PTPRQ: variants seen among roughly 807,000 people sequenced by gnomAD.
PTPRQ encodes the protein protein tyrosine phosphatase receptor type Q.
Under a neutral mutation model 246.0 loss-of-function variants are expected in PTPRQ, and 199 were observed. That is an observed-to-expected ratio of 0.81 (90% CI 0.72 to 0.91). The LOEUF (loss-of-function observed/expected upper bound fraction) is 0.91, where lower values mean the gene tolerates loss of function less well. PTPRQ is among the 40% of genes least tolerant of loss of function. PTPRQ has a pLI of 0.00. For missense variants in PTPRQ, 2,624 were observed against 2,528.4 expected, an observed-to-expected ratio of 1.04 and a Z score of -0.81; for synonymous variants, 869 against 853.2, an observed-to-expected ratio of 1.02 and a Z score of -0.32.
At position 80,497,110 on chromosome 12, in the gene PTPRQ, G is replaced by A. The variant is rs373664045; in HGVS notation, c.2272+579G>A. 3.9e-5 allele frequency among the ~76,000 whole-genome samples: 6 copies of A among 151,996 alleles called. No homozygotes were observed. The East Asian group carries it at 1.2e-3, about 30-fold the overall frequency. On this transcript the variant is annotated intron_variant, in intron 14 of 44. Coordinates refer to ENST00000644991, the MANE Select transcript of PTPRQ (RefSeq NM_001145026.2). ...CCTCCGGACTAGGGAGGGGAGTGAGGTTGGTTTCTGGATGATTCAAGCACG... is the reference window on the plus strand; with the variant it reads ...CCTCCGGACTAGGGAGGGGAGTGAGATTGGTTTCTGGATGATTCAAGCACG...
At chr12:80,576,552 C>T (rs906237082) in intron 25 of PTPRQ, among the ~76,000 whole-genome samples, 90 of 152,122 alleles carry the variant, frequency 5.9e-4, no homozygotes, top group African/African-American at 1.7e-3. Flanking sequence ...TTCATCTATC[C>T]GTCTGTTGAT....
intron 42 of PTPRQ, among the ~76,000 whole-genome samples, chr12:80,672,169 C>G (rs1350984513): frequency 6.6e-6 from 1 of 151,782 alleles, no homozygotes; most frequent in Non-Finnish European, 1.5e-5. Flanking sequence ...CATTCTTGGT[C>G]TGTTTATTTA....
At chr12:80,636,740 G>T (rs1392839186) in intron 35 of PTPRQ, among the ~76,000 whole-genome samples, 1 of 152,130 alleles carries the variant, frequency 6.6e-6, no homozygotes, top group Admixed American at 6.6e-5. Context: ...TTAGTAGCCC[G>T]TGAAAAATCC....
chr12:80,643,892 T>TG (rs1899979757), intron 35 of PTPRQ, among the ~76,000 whole-genome samples: 1 of 152,214 alleles, frequency 6.6e-6, no homozygotes, highest in Admixed American at 6.5e-5. Context: ...GTACATGCTA[T>TG]GGGATACAAA....
At chr12:80,646,320 A>G (rs892176005) in intron 35 of PTPRQ, among the ~76,000 whole-genome samples, 1 of 152,208 alleles carries the variant, frequency 6.6e-6, no homozygotes, top group Non-Finnish European at 1.5e-5. Flanking sequence ...ACATGATAAT[A>G]TAACTAGTAA....
intron 26 of PTPRQ, among the ~76,000 whole-genome samples, chr12:80,594,313 T>A (rs1234224427): frequency 4.0e-5 from 6 of 151,884 alleles, no homozygotes; most frequent in Admixed American, 3.3e-4. Context: ...TAAATAGGAG[T>A]CTATAATTCA....
intron 35 of PTPRQ, among the ~76,000 whole-genome samples, chr12:80,637,989 T>C (rs1022103296): frequency 6.6e-6 from 1 of 152,090 alleles, no homozygotes; most frequent in African/African-American, 2.4e-5. Flanking sequence ...GCTAATAGGC[T>C]GGGCATAGTG....
chr12:80,503,073 T>A (rs1209826213), intron 14 of PTPRQ, among the ~76,000 whole-genome samples: 1 of 151,748 alleles, frequency 6.6e-6, no homozygotes, highest in Non-Finnish European at 1.5e-5. Flanking sequence ...GGATCTGTGG[T>A]TCTTCAGGAA....
At chr12:80,609,864 C>T (rs1898482551) in intron 27 of PTPRQ, among the ~76,000 whole-genome samples, 1 of 150,576 alleles carries the variant, frequency 6.6e-6, no homozygotes, top group Non-Finnish European at 1.5e-5. Flanking sequence ...TTATATCTAT[C>T]AGTCTTATCT....
intron 25 of PTPRQ, among the ~76,000 whole-genome samples, chr12:80,556,990 T>C (rs990352913): frequency 2.4e-4 from 36 of 152,232 alleles, no homozygotes; most frequent in Middle Eastern, 3.4e-3. Flanking sequence ...TCTGTTATAA[T>C]AGAAAATCAG....
chr12:80,597,761 G>A (rs1028834665), intron 26 of PTPRQ, among the ~76,000 whole-genome samples: 2 of 151,932 alleles, frequency 1.3e-5, no homozygotes, highest in Non-Finnish European at 2.9e-5. Flanking sequence ...TAATTACTAA[G>A]CCCCACACTC....
In PTPRQ at chr12:80,658,029, G is replaced by A; in HGVS notation, c.6160G>A (p.Gly2054Ser). ...GCTGATAGCTGACGCTAGTGTTCCA[G>A]GTTCGGATTATATTAATGCCAGCTA... ...VKLIADASVP[G>S]SDYINASYIS... is the part of the protein sequence containing the mutation. Residue 2054 changes from glycine (G) to serine (S), a missense_variant, in exon 39 of 45, where the codon GGT becomes AGT. Coordinates refer to ENST00000644991, the MANE Select transcript of PTPRQ (RefSeq NM_001145026.2). The A allele has an allele frequency of 6.9e-7, 1 of 1,439,790 alleles. No homozygotes were observed. The allele number at this position is 1,439,790 out of a possible 1,614,324, so 89.2% of individuals were successfully genotyped here. A position where few individuals can be genotyped will look rare whatever the true frequency, so the allele number is the denominator to read the frequency against.
rs1467592022 is a variant in PTPRQ, at chr12:80,539,808, T to C, written c.3018T>C (p.Phe1006=). The change falls in exon 20 of 45, where the codon TTT becomes TTC. Residue 1006 remains phenylalanine (F), a synonymous_variant. Transcript: ENST00000644991. ...CACTCCATGAAGTAACCAATGACTTTGACAATATGACTGTATCCACAATTA... is the reference window on the plus strand; with the variant it reads ...CACTCCATGAAGTAACCAATGACTTCGACAATATGACTGTATCCACAATTA... ...NFTLHEVTND[F]DNMTVSTIID... is the part of the protein sequence containing the mutation. The C allele has an allele frequency of 1.4e-5, 21 of 1,547,170 alleles. No homozygotes were observed. Among genetic ancestry groups the C allele is most frequent in the Non-Finnish European group, 1.7e-5 (20 of 1,145,438 alleles).
At chr12:80,638,932 T>A (rs1176403118) in intron 35 of PTPRQ, among the ~76,000 whole-genome samples, 2 of 152,216 alleles carry the variant, frequency 1.3e-5, no homozygotes, top group African/African-American at 4.8e-5. Flanking sequence ...TGTTTCACAC[T>A]TACCGAATTA....
intron 15 of PTPRQ, 135 bp downstream of exon 15, chr12:80,506,341 A>C: frequency 4.0e-6 from 4 of 1,007,822 alleles, no homozygotes; most frequent in Non-Finnish European, 5.6e-6. Flanking sequence ...TAAATAAGCT[A>C]GGAGTTTATT....
intron 17 of PTPRQ, among the ~76,000 whole-genome samples, chr12:80,529,408 A>G (rs1895781090): frequency 1.3e-5 from 2 of 152,172 alleles, no homozygotes; most frequent in Non-Finnish European, 2.9e-5. Context: ...TGCACATGGA[A>G]CAAAATATCA....
intron 33 of PTPRQ, among the ~76,000 whole-genome samples, chr12:80,631,071 T>C (rs1387380775): frequency 6.6e-6 from 1 of 152,218 alleles, no homozygotes; most frequent in Non-Finnish European, 1.5e-5. Context: ...AAAATTATCT[T>C]CTAATAATGA....
chr12:80,456,727 C>T (rs1592525625), intron 3 of PTPRQ, among the ~76,000 whole-genome samples: 1 of 152,082 alleles, frequency 6.6e-6, no homozygotes, highest in African/African-American at 2.4e-5. Flanking sequence ...TTAGCCATTG[C>T]AGAATTCCAA....
At chr12:80,548,658 T>C (rs1047321808) in intron 24 of PTPRQ, among the ~76,000 whole-genome samples, 3 of 152,098 alleles carry the variant, frequency 2.0e-5, no homozygotes, top group African/African-American at 7.2e-5. Flanking sequence ...AATCCACAAA[T>C]TGACTGTGTC....
Sources: gnomAD v4.1 joint callset for allele counts (sites outside exome capture counted in the v4.1 genomes callset) on GRCh38, gnomAD v4.1.1 for gene constraint, MANE v1.5 for transcripts, NCBI Gene and HGNC (gene_info 2026-07-23, HGNC 2026-07-21) for gene names.